The following SLC9A9 variants were observed in gnomAD, a reference collection of about 807,000 sequenced individuals.
SLC9A9 encodes solute carrier family 9 member A9, also known as sodium/hydrogen exchanger 9.
In SLC9A9, 62 loss-of-function variants were observed where a neutral mutation model predicts 77.8. The ratio of observed to expected loss-of-function variants is 0.80; its 90% CI spans 0.65 to 0.98. The LOEUF (loss-of-function observed/expected upper bound fraction) is 0.98, where lower values mean the gene tolerates loss of function less well. Ranked by LOEUF, SLC9A9 falls within the 50% of genes least tolerant of loss-of-function variation. SLC9A9 has a pLI of 0.00. For missense variants in SLC9A9, 775 were observed against 774.9 expected (o/e 1.00, Z 0.00); for synonymous variants, 320 against 283.5 (o/e 1.13, Z -1.29).
chr3:143,463,358 T>C (rs1326952755), intron 12 of SLC9A9, among the ~76,000 whole-genome samples: 1 of 152,190 alleles, frequency 6.6e-6, no homozygotes, highest in Non-Finnish European at 1.5e-5. Context: ...AAGCCAAGAA[T>C]GGGGTTACCA....
chr3:143,597,184 A>C (rs1437107807), intron 6 of SLC9A9, among the ~76,000 whole-genome samples: 3 of 152,160 alleles, frequency 2.0e-5, no homozygotes, highest in Non-Finnish European at 4.4e-5. Flanking sequence ...ACCTCCACTT[A>C]TTATATAGCC....
intron 12 of SLC9A9, among the ~76,000 whole-genome samples, chr3:143,385,730 GC>G (rs965067775): frequency 3.3e-5 from 5 of 152,152 alleles, no homozygotes; most frequent in African/African-American, 7.2e-5. Context: ...GTATATAGCA[GC>G]CCCCCAGGTG....
At chr3:143,520,180 G>A (rs2036271838) in intron 9 of SLC9A9, among the ~76,000 whole-genome samples, 2 of 152,352 alleles carry the variant, frequency 1.3e-5, no homozygotes, top group Admixed American at 6.5e-5. Flanking sequence ...GCTATGGACT[G>A]ATGTTTGTGT....
chr3:143,513,977 T>C (rs1172474769), intron 9 of SLC9A9, among the ~76,000 whole-genome samples: 1 of 152,186 alleles, frequency 6.6e-6, no homozygotes, highest in Non-Finnish European at 1.5e-5. Context: ...GTATATCTCC[T>C]AATGCTATCC....
Position 143,363,465 on chromosome 3 carries a change from C to G in SLC9A9, c.1604+19G>C, listed in dbSNP as rs142872399. 4.0e-4 allele frequency: 641 copies of G among 1,607,552 alleles called. 6 individuals are homozygous for G. In the East Asian group the frequency reaches 0.014, roughly 35 times the overall value. On this transcript the variant is annotated intron_variant, in intron 14 of 15. Transcript: ENST00000316549. Reference sequence around the variant, plus strand: ...CTGCCTGCAGCAGGATCTGTGAGATCGTTATTATCAAAGGATACTTGTGGT... The same window carrying G: ...CTGCCTGCAGCAGGATCTGTGAGATGGTTATTATCAAAGGATACTTGTGGT...
At chr3:143,780,263 A>T (rs1307138484) in intron 4 of SLC9A9, among the ~76,000 whole-genome samples, 1 of 152,210 alleles carries the variant, frequency 6.6e-6, no homozygotes, top group Non-Finnish European at 1.5e-5. Flanking sequence ...TAGACCTGAA[A>T]CAAATAGCAT....
chr3:143,771,283 A>G (rs967691958), intron 4 of SLC9A9, among the ~76,000 whole-genome samples: 6 of 152,124 alleles, frequency 3.9e-5, no homozygotes, highest in African/African-American at 1.4e-4. Flanking sequence ...TCTAAATAGA[A>G]CCGATGTTCA....
chr3:143,293,250 A>G (rs933182059), intron 14 of SLC9A9, among the ~76,000 whole-genome samples: 1 of 152,196 alleles, frequency 6.6e-6, no homozygotes, highest in South Asian at 2.1e-4. Context: ...GTGACTTTCA[A>G]TGACCTACTT....
At chr3:143,812,767 CTAGAT>C (rs1185760157) in intron 2 of SLC9A9, among the ~76,000 whole-genome samples, 1 of 152,134 alleles carries the variant, frequency 6.6e-6, no homozygotes, top group Non-Finnish European at 1.5e-5. Context: ...AACAGAGAGA[CTAGAT>C]TAAAGGAAGT....
intron 9 of SLC9A9, among the ~76,000 whole-genome samples, chr3:143,549,497 T>A (rs1481152670): frequency 2.6e-5 from 4 of 152,196 alleles, no homozygotes; most frequent in Non-Finnish European, 5.9e-5. Flanking sequence ...GCTTCTGCTA[T>A]GATCCAGGCA....
chr3:143,460,830 A>G (rs1303292077), intron 12 of SLC9A9, among the ~76,000 whole-genome samples: 2 of 152,264 alleles, frequency 1.3e-5, no homozygotes, highest in East Asian at 3.8e-4. Flanking sequence ...TACTATAGTT[A>G]TCCAATATCT....
At position 143,578,702 on chromosome 3, in the gene SLC9A9, G is replaced by A. The variant is rs963308203; in HGVS notation, c.777C>T (p.Pro259=). The change falls in exon 7 of 16, where the codon CCC becomes CCT. Residue 259 remains proline (P), a synonymous_variant. Coordinates refer to ENST00000316549, the MANE Select transcript of SLC9A9 (RefSeq NM_173653.4). ...CATCAAATGCATTTGGATTCTCCTT[G>A]GGACTGTAAATGGATATAGAACTGA... is the stretch of plus-strand genomic sequence containing the variant. ...VLTYSISIYS[P]KENPNAFDAA... 6.2e-7 allele frequency: 1 copy of A among 1,613,942 alleles called. No individual in the cohort carries two copies. Among genetic ancestry groups the A allele is most frequent in the Non-Finnish European group, 8.5e-7 (1 of 1,179,938 alleles).
chr3:143,668,735 G>C (rs996092726), intron 5 of SLC9A9, among the ~76,000 whole-genome samples: 3 of 152,188 alleles, frequency 2.0e-5, no homozygotes, highest in African/African-American at 7.2e-5. Flanking sequence ...CCCACCATGT[G>C]GTTAGCTCCT....
At chr3:143,428,973 A>G (rs538529666) in intron 12 of SLC9A9, among the ~76,000 whole-genome samples, 3 of 152,186 alleles carry the variant, frequency 2.0e-5, no homozygotes, top group Non-Finnish European at 4.4e-5. Flanking sequence ...AGAGTTAGGA[A>G]GTTTTGGTGC....
intron 4 of SLC9A9, among the ~76,000 whole-genome samples, chr3:143,781,769 T>A (rs2007889421): frequency 1.3e-5 from 2 of 152,228 alleles, no homozygotes; most frequent in South Asian, 4.1e-4. Context: ...CGCAATGAGG[T>A]CATCATTCAT....
intron 9 of SLC9A9, among the ~76,000 whole-genome samples, chr3:143,509,550 T>A (rs1224622328): frequency 6.6e-6 from 1 of 152,134 alleles, no homozygotes; most frequent in East Asian, 1.9e-4. Flanking sequence ...AGTGTAAGAG[T>A]GTATTTCTCT....
chr3:143,415,432 T>A (rs1300958545), intron 12 of SLC9A9, among the ~76,000 whole-genome samples: 1 of 152,222 alleles, frequency 6.6e-6, no homozygotes, highest in African/African-American at 2.4e-5. Context: ...TGTCTTTAAG[T>A]TGATGCTGAT....
intron 8 of SLC9A9, among the ~76,000 whole-genome samples, chr3:143,565,566 G>A (rs2037154129): frequency 6.6e-6 from 1 of 152,144 alleles, no homozygotes; most frequent in South Asian, 2.1e-4. Context: ...GTTATTATGC[G>A]AGAAGACATA....
chr3:143,358,559 G>T (rs187986765), intron 14 of SLC9A9, among the ~76,000 whole-genome samples: 133 of 152,254 alleles, frequency 8.7e-4, no homozygotes, highest in Middle Eastern at 3.4e-3. Context: ...CACGTTTAAG[G>T]GGAGAGATGG....
Sources: allele counts gnomAD v4.1 joint callset (sites outside exome capture counted in the v4.1 genomes callset), GRCh38; gene constraint gnomAD v4.1.1; transcripts MANE v1.5; gene names NCBI Gene and HGNC (gene_info 2026-07-23, HGNC 2026-07-21).